APC2: variants seen among roughly 807,000 people sequenced by gnomAD.
APC2 encodes the protein adenomatous polyposis coli protein 2.
A neutral mutation model predicts 72.5 loss-of-function variants in APC2; 41 were observed. The ratio of observed to expected loss-of-function variants is 0.57; its 90% CI spans 0.44 to 0.73. The LOEUF (loss-of-function observed/expected upper bound fraction) is 0.73. Ranked by LOEUF, APC2 falls within the 30% of genes least tolerant of loss-of-function variation. The probability of loss-of-function intolerance (pLI) is 0.00; values close to 1 mark genes in which losing one functional copy is unlikely to be tolerated. For missense variants in APC2, 3,729 were observed against 3,403.4 expected (o/e 1.10, Z -2.38); for synonymous variants, 1,898 against 1,612.0 (o/e 1.18, Z -4.25).
At chr19:1,449,813 A>G (rs891964901), upstream of APC2, among the ~76,000 whole-genome samples, 1 of 152,180 alleles carries the variant, frequency 6.6e-6, no homozygotes, top group Non-Finnish European at 1.5e-5. Context: ...TGCTGATGTA[A>G]CATCCAGGAT....
intron 11 of APC2, 107 bp downstream of exon 11, chr19:1,460,427 C>A: frequency 3.3e-6 from 5 of 1,511,848 alleles, no homozygotes; most frequent in Non-Finnish European, 4.5e-6. Flanking sequence ...GAGCTGGGGC[C>A]ACTTGTCCCC....
rs2084089318 is a variant in APC2, at chr19:1,469,344, G to A, written c.6043G>A (p.Glu2015Lys). 1.5e-6 allele frequency: 2 copies of A among 1,358,630 alleles called. No individual in the cohort carries two copies. The highest frequency in any genetic ancestry group is 3.1e-5 in the African/African-American group (2 of 65,238). The allele number at this position is 1,358,630 out of a possible 1,614,324, so 84.2% of individuals were successfully genotyped here. A position where few individuals can be genotyped will look rare whatever the true frequency, so the allele number is the denominator to read the frequency against. The change falls in exon 15 of 15, where the codon GAG becomes AAG. Residue 2015 changes from glutamate to lysine, a missense_variant. Glu to Lys is a moderately conservative substitution (Grantham distance 56, BLOSUM62 1). Transcript: ENST00000590469. ...CCGCCGCTCCGAGCTGTCCTCGGCC[G>A]AGTCCGCGGCCTCTGCCCCCCAGGG... is the stretch of plus-strand genomic sequence containing the variant. ...RRRRSELSSA[E>K]SAASAPQGAS...
Position 1,465,725 on chromosome 19 carries a change from C to A in APC2, c.2424C>A (p.Ser808Arg). 1 of 1,556,668 alleles carries A rather than the reference C, an allele frequency of 6.4e-7. No individual in the cohort carries two copies. Among genetic ancestry groups the A allele is most frequent in the South Asian group, 1.2e-5 (1 of 84,942 alleles). The part of the protein sequence containing the change: ...SPAALSLFLG[S>R]PFLQGQALAR... ...CCGCGCTGTCCCTCTTCCTGGGCAG[C>A]CCCTTCCTGCAGGGGCAGGCGCTGG... Residue 808 changes from serine to arginine, a missense_variant, in exon 15 of 15, where the codon AGC becomes AGA. Ser to Arg is a moderately radical substitution (Grantham distance 110). Coordinates refer to ENST00000590469, the MANE Select transcript of APC2 (RefSeq NM_005883.3).
chr19:1,454,604 C>T (rs2083789863), intron 4 of APC2, among the ~76,000 whole-genome samples: 1 of 144,874 alleles, frequency 6.9e-6, no homozygotes, highest in African/African-American at 2.7e-5. Flanking sequence ...CGCTCTGTCG[C>T]CCAAGCTGGA....
At chr19:1,453,924 G>A (rs1318218726) in intron 4 of APC2, among the ~76,000 whole-genome samples, 2 of 152,208 alleles carry the variant, frequency 1.3e-5, no homozygotes, top group Non-Finnish European at 2.9e-5. Flanking sequence ...GCCAGGGACC[G>A]GGCTGTGTCC....
chr19:1,457,063 G>A lies in APC2; in HGVS notation c.1027G>A (p.Ala343Thr), dbSNP rs1160230475. Residue 343 changes from alanine to threonine, a missense_variant, in exon 9 of 15, where the codon GCA becomes ACA. Physicochemically the swap from Ala to Thr is moderately conservative, Grantham distance 58. Transcript: ENST00000590469. ...CCCAGGGGCACCGGGCGCCAAGGAC[G>A]CACGCATGCGCGCCAACGCGGCGCT... ...GAPGAPGAKD[A>T]RMRANAALHN... 2 of 1,542,470 alleles carry A rather than the reference G, an allele frequency of 1.3e-6. No individual in the cohort carries two copies. Among genetic ancestry groups the A allele is most frequent in the South Asian group, 1.2e-5 (1 of 83,574 alleles).
chr19:1,454,904 T>C (rs1412290439), intron 4 of APC2, among the ~76,000 whole-genome samples: 1 of 152,078 alleles, frequency 6.6e-6, no homozygotes, highest in African/African-American at 2.4e-5. Context: ...TTTTTCCTTT[T>C]TAGAGAGGGG....
At chr19:1,459,845 C>G (rs2083895716) in intron 10 of APC2, among the ~76,000 whole-genome samples, 1 of 152,212 alleles carries the variant, frequency 6.6e-6, no homozygotes, top group Non-Finnish European at 1.5e-5. Flanking sequence ...AGGGGGCCTT[C>G]CCCGAGGCAC....
chr19:1,447,005 G>A (rs1599123531), upstream of APC2, among the ~76,000 whole-genome samples: 1 of 152,136 alleles, frequency 6.6e-6, no homozygotes, highest in East Asian at 1.9e-4. Flanking sequence ...AGAGAACGCG[G>A]GGCGGGGGCC....
chr19:1,460,232 A>G lies in APC2; in HGVS notation c.1355A>G (p.Lys452Arg). 3 of 1,613,562 alleles carry G rather than the reference A, an allele frequency of 1.9e-6. No homozygotes were observed. The South Asian group carries it at 3.3e-5, about 18-fold the overall frequency. The change falls in exon 11 of 15, where the codon AAG becomes AGG. Residue 452 changes from lysine to arginine, a missense_variant. Coordinates refer to ENST00000590469, the MANE Select transcript of APC2 (RefSeq NM_005883.3). Reference protein sequence around the residue: ...ELLQVDYEMHKMTRDPLNLAL... With the variant: ...ELLQVDYEMHRMTRDPLNLAL... ...CTGCAGGTTGACTATGAGATGCACAAGATGACCCGGGACCCGCTGAACCTG... is the reference window on the plus strand; with the variant it reads ...CTGCAGGTTGACTATGAGATGCACAGGATGACCCGGGACCCGCTGAACCTG...
upstream of APC2, among the ~76,000 whole-genome samples, chr19:1,449,171 G>A (rs940728613): frequency 2.6e-5 from 4 of 152,202 alleles, no homozygotes. Context: ...CCATTTTACA[G>A]AGGAGGAAAC....
upstream of APC2, chr19:1,446,296 C>T (rs1479904840): frequency 5.1e-6 from 5 of 984,838 alleles, no homozygotes; most frequent in African/African-American, 3.5e-5. The surrounding 1 kb of genome is among the most constrained non-coding windows in gnomAD (Gnocchi z 6.1). Context: ...CCATGGGGCT[C>T]CTGGGGCTCC....
intron 1 of APC2, among the ~76,000 whole-genome samples, 163 bp downstream of exon 1, chr19:1,450,501 G>T (rs1305180365): frequency 6.6e-6 from 1 of 152,200 alleles, no homozygotes; most frequent in South Asian, 2.1e-4. Flanking sequence ...GGGCGTCAGC[G>T]TTTCTGCAGC....
rs148977773 is a variant in APC2, at chr19:1,452,863, A to ACC, written c.-18-114_-18-113dup. On this transcript the variant is annotated intron_variant, in intron 1 of 14. Coordinates refer to ENST00000590469, the MANE Select transcript of APC2 (RefSeq NM_005883.3). This position sits in a 1 kb window ranked among gnomAD's most constrained non-coding sequence, Gnocchi z 5.1. ...TCCACACCAGTGACTCCTGCCTGAGACCCCCCCCAACCCAGGATCAGGCAG... is the reference window on the plus strand; with the variant it reads ...TCCACACCAGTGACTCCTGCCTGAGACCCCCCCCCCAACCCAGGATCAGGCAG... 30 of 1,230,544 alleles carry ACC rather than the reference A, an allele frequency of 2.4e-5. No homozygotes were observed. The highest frequency in any genetic ancestry group is 2.8e-4 in the Middle Eastern group (1 of 3,544). 76.2% of individuals were successfully genotyped at this position (1,230,544 alleles called of 1,614,324 possible). A position where few individuals can be genotyped will look rare whatever the true frequency, so the allele number is the denominator to read the frequency against.
At position 1,470,111 on chromosome 19, in the gene APC2, A is replaced by G. The variant is rs1278677023; in HGVS notation, c.6810A>G (p.Val2270=). The change falls in exon 15 of 15, where the codon GTA becomes GTG. Residue 2270 remains valine (V), a synonymous_variant. Transcript: ENST00000590469. The stretch of plus-strand genomic sequence containing the variant: ...GCTCCCCCAGCCGCTCGGCCCGAGT[A>G]CCCCCCTTCAACTATGTGCCCAGCC... ...RHGSPSRSAR[V]PPFNYVPSPM... The G allele has an allele frequency of 1.2e-6, 2 of 1,603,934 alleles. No homozygotes were observed. Among genetic ancestry groups the G allele is most frequent in the Admixed American group, 3.4e-5 (2 of 59,598 alleles).
intron 13 of APC2, chr19:1,461,514 CT>C (rs2083921795): frequency 2.7e-6 from 1 of 369,312 alleles, no homozygotes; most frequent in Non-Finnish European, 5.0e-6. Flanking sequence ...GGTTGCGCCA[CT>C]GCATTCCAGC....
chr19:1,468,198 A>G lies in APC2; in HGVS notation c.4897A>G (p.Ile1633Val), dbSNP rs1484757148. The change falls in exon 15 of 15, where the codon ATC becomes GTC. Residue 1633 changes from isoleucine (I) to valine (V), a missense_variant. Ile to Val is a conservative substitution (Grantham distance 29, BLOSUM62 3). Transcript: ENST00000590469. ...CGCGGAGGAGCTTCTGCAGCGGTGC[A>G]TCAGCTCGGCCCTGCCCAGGCGCCG... is the stretch of plus-strand genomic sequence containing the variant. ...RAAEELLQRC[I>V]SSALPRRRPP... is the part of the protein sequence containing the mutation. The G allele has an allele frequency of 1.4e-6, 2 of 1,465,338 alleles. No homozygotes were observed. The highest frequency in any genetic ancestry group is 1.8e-6 in the Non-Finnish European group (2 of 1,117,848). 90.8% of individuals were successfully genotyped at this position (1,465,338 alleles called of 1,614,324 possible).
rs759511010 is a variant in APC2 at position 1,467,052 on chromosome 19, C to T, written c.3751C>T (p.Arg1251Trp). ...LDIADCRERCRLPSELDAGSV... is the reference protein window; with the variant it reads ...LDIADCRERCWLPSELDAGSV... Reference sequence around the variant, plus strand: ...CATCGCCGACTGCCGGGAGCGCTGCCGGCTGCCATCTGAGCTGGACGCAGG... The same window carrying T: ...CATCGCCGACTGCCGGGAGCGCTGCTGGCTGCCATCTGAGCTGGACGCAGG... The change falls in exon 15 of 15, where the codon CGG (arginine) becomes TGG (tryptophan). Residue 1251 changes from arginine (R) to tryptophan (W), a missense_variant. Coordinates refer to ENST00000590469, the MANE Select transcript of APC2 (RefSeq NM_005883.3). 3.6e-5 allele frequency: 58 copies of T among 1,611,644 alleles called. No homozygotes were observed. Among genetic ancestry groups the T allele is most frequent in the Non-Finnish European group, 4.7e-5 (55 of 1,179,672 alleles).
intron 14 of APC2, among the ~76,000 whole-genome samples, chr19:1,462,697 G>T (rs1019200901): frequency 1.7e-4 from 25 of 145,142 alleles, no homozygotes; most frequent in Admixed American, 5.6e-4. Flanking sequence ...GCAGCCAGGC[G>T]CAGTGGCTCA....
Sources: allele counts gnomAD v4.1 joint callset (sites outside exome capture counted in the v4.1 genomes callset), GRCh38; gene constraint gnomAD v4.1.1; non-coding constraint Gnocchi (gnomAD v3.1); transcripts MANE v1.5; gene names NCBI Gene and HGNC (gene_info 2026-07-23, HGNC 2026-07-21).